FOXP1: variants seen among roughly 807,000 people sequenced by gnomAD.
The protein encoded by FOXP1 is forkhead box protein P1.
A neutral mutation model predicts 98.2 loss-of-function variants in FOXP1; 15 were observed. The observed-to-expected ratio is 0.15, with a 90% CI of 0.10 to 0.24. The LOEUF is 0.24. Among genes scored for constraint, FOXP1 ranks in the 10% least tolerant of loss-of-function variants. The probability of loss-of-function intolerance (pLI) is 1.00; values close to 1 mark genes in which losing one functional copy is unlikely to be tolerated. For missense variants in FOXP1, 633 were observed against 848.5 expected (o/e 0.75, Z 3.15); for synonymous variants, 371 against 314.5 (o/e 1.18, Z -1.90).
rs2059084384 is a variant in FOXP1, at chr3:71,125,279, C to G, written c.181-12642G>C. Reference sequence around the variant, plus strand: ...AAACAGAAAGTTTATGTAATGTGGTCAAGGTCACGCAGCCTGGATAGAATC... The same window carrying G: ...AAACAGAAAGTTTATGTAATGTGGTGAAGGTCACGCAGCCTGGATAGAATC... On this transcript the variant is annotated intron_variant, in intron 6 of 20. Coordinates refer to ENST00000649528, the MANE Select transcript of FOXP1 (RefSeq NM_001349338.3). 2.6e-5 allele frequency among the ~76,000 whole-genome samples: 4 copies of G among 152,112 alleles called. No homozygotes were observed. In the South Asian group the frequency reaches 8.3e-4, roughly 31 times the overall value.
intron 3 of FOXP1, among the ~76,000 whole-genome samples, chr3:71,404,312 A>G (rs527506610): frequency 2.0e-5 from 3 of 151,152 alleles, no homozygotes; most frequent in East Asian, 3.9e-4. Context: ...TTTTTAGTAG[A>G]GACAGGGTTT....
intron 3 of FOXP1, among the ~76,000 whole-genome samples, chr3:71,384,105 G>C (rs1204976218): frequency 1.3e-5 from 2 of 152,128 alleles, no homozygotes; most frequent in African/African-American, 4.8e-5. Flanking sequence ...TGTAGTCCCA[G>C]TTATGTGGGA....
chr3:71,225,487 C>T (rs1437132244), intron 5 of FOXP1, among the ~76,000 whole-genome samples: 1 of 151,456 alleles, frequency 6.6e-6, no homozygotes, highest in Admixed American at 6.6e-5. Flanking sequence ...AAGCTCTAAG[C>T]GATACTGATG....
rs367722294 is a variant in FOXP1 at position 71,007,781 on chromosome 3, A to G, written c.975-6722T>C. ...AAACTCTTCACAGTTTTGAAAAGTAAAATTCACAGAAAAAAATTTTAAAAA... is the reference window on the plus strand; with the variant it reads ...AAACTCTTCACAGTTTTGAAAAGTAGAATTCACAGAAAAAAATTTTAAAAA... On this transcript the variant is annotated intron_variant, in intron 12 of 20. Transcript: ENST00000649528. 7.9e-5 allele frequency among the ~76,000 whole-genome samples: 12 copies of G among 152,294 alleles called. No individual in the cohort carries two copies. The South Asian group carries it at 2.5e-3, about 32-fold the overall frequency.
At chr3:71,565,392 A>G (rs1020319030) in intron 2 of FOXP1, among the ~76,000 whole-genome samples, 13 of 152,290 alleles carry the variant, frequency 8.5e-5, no homozygotes, top group Admixed American at 8.5e-4. Context: ...TCGTTGTGTA[A>G]AACTCGTTGG....
intron 6 of FOXP1, among the ~76,000 whole-genome samples, chr3:71,149,613 T>C (rs2060476616): frequency 6.6e-6 from 1 of 152,200 alleles, no homozygotes; most frequent in African/African-American, 2.4e-5. Flanking sequence ...ATAAGCTCAG[T>C]ATTATTTTGT....
chr3:71,358,437 A>C (rs2078320901), intron 4 of FOXP1, among the ~76,000 whole-genome samples: 1 of 152,234 alleles, frequency 6.6e-6, no homozygotes, highest in African/African-American at 2.4e-5. Context: ...AAGGTGAAGA[A>C]GTCACACTCC....
At chr3:71,517,999 C>G (rs2042704807) in intron 2 of FOXP1, among the ~76,000 whole-genome samples, 1 of 152,162 alleles carries the variant, frequency 6.6e-6, no homozygotes, top group African/African-American at 2.4e-5. Flanking sequence ...ACAAGGTATT[C>G]AAGAAATGGT....
At chr3:71,064,680 C>CGAGGAT (rs1463156249) in intron 7 of FOXP1, 1 of 505,636 alleles carries the variant, frequency 2.0e-6, no homozygotes, top group Non-Finnish European at 2.6e-6. Context: ...TGGTAAACAG[C>CGAGGAT]GAGGATGAGG....
At chr3:71,052,739 G>T (rs2050082718) in intron 8 of FOXP1, 113 bp from the exon 9 acceptor site, 1 of 739,740 alleles carries the variant, frequency 1.4e-6, no homozygotes, top group Admixed American at 1.9e-5. Context: ...ATCTGTAATG[G>T]CCTGACCTTT....
intron 3 of FOXP1, among the ~76,000 whole-genome samples, chr3:71,444,279 T>A (rs2086211508): frequency 6.6e-6 from 1 of 151,994 alleles, no homozygotes; most frequent in Admixed American, 6.6e-5. Flanking sequence ...CTCCAGGCCC[T>A]CCTACAAAGG....
At chr3:71,052,479 G>A in intron 9 of FOXP1, 58 bp downstream of exon 9, 1 of 862,274 alleles carries the variant, frequency 1.2e-6, no homozygotes, top group South Asian at 1.3e-5. Context: ...CAGTTTAATA[G>A]CCACTAGATA....
rs143083739 is a variant in FOXP1, at chr3:71,447,389, G to C, written c.-168+46037C>G. On this transcript the variant is annotated intron_variant, in intron 3 of 20. Coordinates refer to ENST00000649528, the MANE Select transcript of FOXP1 (RefSeq NM_001349338.3). ...AATGGCCTGAGTCAGGGAGGAACCT[G>C]CCAATCTGGGCAGTGATTGGCAACC... 2.8e-3 allele frequency among the ~76,000 whole-genome samples: 421 copies of C among 152,304 alleles called. 1 individual carries two copies. The highest frequency in any genetic ancestry group is 9.6e-3 in the African/African-American group (400 of 41,560).
intron 4 of FOXP1, among the ~76,000 whole-genome samples, chr3:71,340,136 T>C (rs926744444): frequency 1.3e-5 from 2 of 152,190 alleles, no homozygotes; most frequent in African/African-American, 4.8e-5. Context: ...GATAACCCCC[T>C]GCCCCCCTAT....
At position 71,583,565 on chromosome 3, in the gene FOXP1, ACT is replaced by A; in HGVS notation, c.-447+4_-447+5del. 1 of 977,396 alleles carries A rather than the reference ACT, an allele frequency of 1.0e-6. No homozygotes were observed. Among genetic ancestry groups the A allele is most frequent in the Non-Finnish European group, 1.2e-6 (1 of 828,068 alleles). 60.5% of individuals were successfully genotyped at this position (977,396 alleles called of 1,614,324 possible). ...GTGGAGCAGAAATGGAAAAATACAA[ACT>A]CACCCGCTGCAAATGGTCTCTCGGT... On this transcript the variant is annotated splice_donor_5th_base_variant and intron_variant, in intron 1 of 20. Transcript: ENST00000649528.
Position 70,956,760 on chromosome 3 carries a change from TTTTTTTTTTTTTTA to T in FOXP1, c.*2473_*2486del, listed in dbSNP as rs2031926672. 2 of 193,176 alleles carry T rather than the reference TTTTTTTTTTTTTTA, an allele frequency of 1.0e-5. No homozygotes were observed. Among genetic ancestry groups the T allele is most frequent in the Admixed American group, 7.0e-5 (1 of 14,296 alleles). 12.0% of individuals were successfully genotyped at this position (193,176 alleles called of 1,614,324 possible). A position where few individuals can be genotyped will look rare whatever the true frequency, so the allele number is the denominator to read the frequency against. On this transcript the variant is annotated 3_prime_UTR_variant, in exon 21 of 21. Transcript: ENST00000649528. ...TTTTTTTTTTTTTTTTTTTTTTTTT[TTTTTTTTTTTTTTA>T]AAGTCTTGCGTGACCACAGACTGCC... is the stretch of plus-strand genomic sequence containing the variant.
rs541277748 is a variant in FOXP1 at position 71,314,165 on chromosome 3, T to A, written c.-72-14285A>T. On this transcript the variant is annotated intron_variant, in intron 4 of 20. Transcript: ENST00000649528. ...GAAATGATGGCTGCCGTTATTACGA[T>A]CAGGGATGATATAACTTAAATAAAT... Among the ~76,000 whole-genome samples, 9 of 152,324 alleles carry A rather than the reference T, an allele frequency of 5.9e-5. No homozygotes were observed. In the South Asian group the frequency reaches 1.9e-3, roughly 32 times the overall value.
rs747512935 is a variant in FOXP1, at chr3:71,053,746, G to A, written c.310C>T (p.Pro104Ser). 3 of 1,614,046 alleles carry A rather than the reference G, an allele frequency of 1.9e-6. No homozygotes were observed. Among genetic ancestry groups the A allele is most frequent in the Non-Finnish European group, 2.5e-6 (3 of 1,179,978 alleles). ...ATTTGCTGGGGAGTGATAACTTGAG[G>A]TGTCATCATAGCCACTGACACGGGA... is the stretch of plus-strand genomic sequence containing the variant. ...QVPVSVAMMT[P>S]QVITPQQMQQ... Residue 104 changes from proline to serine, a missense_variant, in exon 8 of 21, where the codon CCT becomes TCT. Transcript: ENST00000649528.
intron 13 of FOXP1, among the ~76,000 whole-genome samples, chr3:70,994,730 C>T (rs745905906): frequency 2.6e-5 from 4 of 152,212 alleles, no homozygotes; most frequent in South Asian, 2.1e-4. Flanking sequence ...CCTCCACCCC[C>T]GTCGCCTGCC....
Sources: allele counts gnomAD v4.1 joint callset (sites outside exome capture counted in the v4.1 genomes callset), GRCh38; gene constraint gnomAD v4.1.1; transcripts MANE v1.5; gene names NCBI Gene and HGNC (gene_info 2026-07-23, HGNC 2026-07-21).